OGDH: variants seen among roughly 807,000 people sequenced by gnomAD.
The protein encoded by OGDH is 2-oxoglutarate dehydrogenase complex component E1.
A neutral mutation model predicts 116.6 loss-of-function variants in OGDH; 38 were observed. That is an observed-to-expected ratio of 0.33 (90% confidence interval 0.25 to 0.43). OGDH has a LOEUF of 0.43. Among genes scored for constraint, OGDH ranks in the 20% least tolerant of loss-of-function variants. The pLI is 1.00. For missense variants in OGDH, 825 were observed against 1,357.2 expected (o/e 0.61, Z 6.16); for synonymous variants, 488 against 533.3 (o/e 0.92, Z 1.17).
At chr7:44,681,652 C>T in intron 9 of OGDH, 68 bp from the exon 10 acceptor site, 1 of 1,542,694 alleles carries the variant, frequency 6.5e-7, no homozygotes, top group Non-Finnish European at 8.8e-7. Context: ...TGATGCATTT[C>T]CTCTGTTTAC....
At chr7:44,704,696 G>A (rs931236164) in intron 20 of OGDH, among the ~76,000 whole-genome samples, 2 of 151,414 alleles carry the variant, frequency 1.3e-5, no homozygotes, top group East Asian at 1.9e-4. Context: ...TTTGGGTTTG[G>A]GTGTTTTTTT....
At position 44,694,331 on chromosome 7, in the gene OGDH, C is replaced by T; in HGVS notation, c.1516-93C>T. 1 of 1,478,194 alleles carries T rather than the reference C, an allele frequency of 6.8e-7. No homozygotes were observed. The highest frequency in any genetic ancestry group is 9.1e-7 in the Non-Finnish European group (1 of 1,093,298). 91.6% of individuals were successfully genotyped at this position (1,478,194 alleles called of 1,614,324 possible). ...AGGCATGAGGAATGAAGAACGTGGC[C>T]ATCACCTAGGAGAGATGGGGCAGGT... On this transcript the variant is annotated intron_variant, in intron 11 of 22. Coordinates refer to ENST00000222673, the MANE Select transcript of OGDH (RefSeq NM_002541.4). This position sits in a 1 kb window ranked among gnomAD's most constrained non-coding sequence, Gnocchi z 4.2.
rs762293053 is a variant in OGDH at position 44,694,567 on chromosome 7, T to C, written c.1659T>C (p.Pro553=). The change falls in exon 12 of 23, where the codon CCT becomes CCC. Residue 553 remains proline, a synonymous_variant. Transcript: ENST00000222673. The surrounding 1 kb of genome is among the most constrained non-coding windows in gnomAD (Gnocchi z 4.2). ...LLVSQGVVNQ[P]EYEEEISKYD... is the part of the protein sequence containing the mutation. ...TGTCGCAGGGTGTGGTCAACCAGCC[T>C]GAGTATGAGGTACGTCCCTGCGGCT... 91 of 1,613,966 alleles carry C rather than the reference T, an allele frequency of 5.6e-5. No homozygotes were observed. Among genetic ancestry groups the C allele is most frequent in the Non-Finnish European group, 7.5e-5 (88 of 1,180,030 alleles).
chr7:44,625,496 TTCC>T (rs1429270685), intron 2 of OGDH, among the ~76,000 whole-genome samples: 1 of 152,170 alleles, frequency 6.6e-6, no homozygotes, highest in Non-Finnish European at 1.5e-5. Context: ...TTGATAACCA[TTCC>T]TTGATTTTCA....
At chr7:44,676,185 C>T (rs1360956706) in intron 9 of OGDH, 36 bp downstream of exon 9, 1 of 1,614,008 alleles carries the variant, frequency 6.2e-7, no homozygotes, top group Admixed American at 1.7e-5. Flanking sequence ...GGCAGATCGT[C>T]AAGGCCCCAT....
At chr7:44,676,241 G>A in intron 9 of OGDH, 92 bp downstream of exon 9, 1 of 1,608,664 alleles carries the variant, frequency 6.2e-7, no homozygotes, top group Non-Finnish European at 8.5e-7. Context: ...AGAGCCCTGG[G>A]TGCATCTAGA....
At chr7:44,703,658 T>C (rs918055298) in intron 20 of OGDH, among the ~76,000 whole-genome samples, 20 of 152,098 alleles carry the variant, frequency 1.3e-4, no homozygotes, top group African/African-American at 4.1e-4. Context: ...AGGCAGAGGT[T>C]GCAGTGAGCC....
chr7:44,707,350 G>A lies in OGDH; in HGVS notation c.2758G>A (p.Asp920Asn), dbSNP rs79424177. 74 of 1,614,266 alleles carry A rather than the reference G, an allele frequency of 4.6e-5. No individual in the cohort carries two copies. The East Asian group carries it at 1.2e-3, about 27-fold the overall frequency. The stretch of plus-strand genomic sequence containing the variant: ...CCTCACCCGGGAGCGCAAAGCACGC[G>A]ACATGGTGGGGCAGGTGGCCATCAC... ...YDLTRERKAR[D>N]MVGQVAITRI... Residue 920 changes from aspartate (D) to asparagine (N), a missense_variant, in exon 21 of 23, where the codon GAC becomes AAC. Physicochemically the swap from Asp to Asn is conservative, Grantham distance 23. This residue lies in a region of OGDH where 212 missense variants were observed against 284.3 expected (regional missense o/e 0.75). Coordinates refer to ENST00000222673, the MANE Select transcript of OGDH (RefSeq NM_002541.4). This position sits in a 1 kb window ranked among gnomAD's most constrained non-coding sequence, Gnocchi z 5.2.
rs1182106010 is a variant in OGDH, at chr7:44,697,102, T to G, written c.2051+38T>G. 3 of 1,596,170 alleles carry G rather than the reference T, an allele frequency of 1.9e-6. No homozygotes were observed. The highest frequency in any genetic ancestry group is 1.7e-5 in the Admixed American group (1 of 59,038). On this transcript the variant is annotated intron_variant, in intron 15 of 22. Transcript: ENST00000222673. The surrounding 1 kb of genome is among the most constrained non-coding windows in gnomAD (Gnocchi z 6.0). ...GCAGTTTTGTTTGCCCTCCAAAGAG[T>G]AGAAGATGGAAAGGGAGGGGTTCTG...
chr7:44,627,052 A>T (rs550837495), intron 2 of OGDH, among the ~76,000 whole-genome samples: 37 of 152,304 alleles, frequency 2.4e-4, no homozygotes, highest in South Asian at 4.1e-4. Flanking sequence ...ACTGGAGTGC[A>T]GTGGTGCAAT....
intron 1 of OGDH, among the ~76,000 whole-genome samples, chr7:44,619,482 T>TAGAC (rs564140812): frequency 2.9e-4 from 44 of 152,348 alleles, no homozygotes; most frequent in African/African-American, 6.7e-4. Context: ...AGCAGAGGAA[T>TAGAC]AGACTCATAA....
At chr7:44,665,601 G>A (rs1178706917) in intron 4 of OGDH, among the ~76,000 whole-genome samples, 2 of 152,128 alleles carry the variant, frequency 1.3e-5, no homozygotes, top group African/African-American at 4.8e-5. Flanking sequence ...CGTTAATCCC[G>A]TGCTGGACAC....
chr7:44,634,504 A>C (rs1785580900), intron 2 of OGDH, among the ~76,000 whole-genome samples: 1 of 152,236 alleles, frequency 6.6e-6, no homozygotes, highest in African/African-American at 2.4e-5. Flanking sequence ...GTTCTTTGCT[A>C]ATCTTGGAAG....
At chr7:44,607,421 A>C (rs931657973) in intron 1 of OGDH, among the ~76,000 whole-genome samples, 1 of 152,154 alleles carries the variant, frequency 6.6e-6, no homozygotes, top group Non-Finnish European at 1.5e-5. Context: ...TGCCATCCCC[A>C]TCCCTTTGCC....
At chr7:44,698,912 C>T (rs1562687515) in intron 18 of OGDH, among the ~76,000 whole-genome samples, 1 of 151,756 alleles carries the variant, frequency 6.6e-6, no homozygotes. Context: ...TTGGGAGGCC[C>T]AGGCAGGCGG....
chr7:44,641,579 G>A (rs1785946969), intron 2 of OGDH, among the ~76,000 whole-genome samples: 1 of 152,142 alleles, frequency 6.6e-6, no homozygotes, highest in African/African-American at 2.4e-5. Context: ...GCTGTGCAGG[G>A]GTGGGATACA....
At chr7:44,677,666 C>T (rs1223272810) in intron 9 of OGDH, among the ~76,000 whole-genome samples, 2 of 151,662 alleles carry the variant, frequency 1.3e-5, no homozygotes, top group Non-Finnish European at 2.9e-5. Flanking sequence ...GTCAGGAGTT[C>T]GAGACCATCC....
chr7:44,706,200 C>T (rs889274055), intron 20 of OGDH, among the ~76,000 whole-genome samples: 5 of 152,160 alleles, frequency 3.3e-5, no homozygotes, highest in African/African-American at 1.2e-4. Flanking sequence ...GCCTCAGCCT[C>T]CCAAAGTGCT....
chr7:44,701,678 G>A, intron 20 of OGDH, 63 bp downstream of exon 20: 1 of 1,442,150 alleles, frequency 6.9e-7, no homozygotes, highest in Non-Finnish European at 9.8e-7. Context: ...CTTTGCTGCT[G>A]CTCTTTTACA....
Sources: gnomAD v4.1 joint callset for allele counts (sites outside exome capture counted in the v4.1 genomes callset) on GRCh38, gnomAD v4.1.1 for gene constraint, gnomAD v4.1.1 regional missense constraint, Gnocchi (gnomAD v3.1) non-coding constraint, MANE v1.5 for transcripts, NCBI Gene and HGNC (gene_info 2026-07-23, HGNC 2026-07-21) for gene names.